The following ARHGAP32 variants were observed in gnomAD, a reference collection of about 807,000 sequenced individuals.
ARHGAP32 encodes rho GTPase-activating protein 32.
ARHGAP32 carries 51 observed loss-of-function variants against 186.5 expected under a neutral mutation model. The ratio of observed to expected loss-of-function variants is 0.27; its 90% CI spans 0.22 to 0.35. ARHGAP32 has a LOEUF of 0.35. Ranked by LOEUF, ARHGAP32 falls within the 10% of genes least tolerant of loss-of-function variation. ARHGAP32 has a pLI of 1.00. For synonymous variants in ARHGAP32, 950 were observed against 964.3 expected (o/e 0.99, Z 0.27); for missense variants, 2,186 against 2,623.5 (o/e 0.83, Z 3.64).
intron 17 of ARHGAP32, among the ~76,000 whole-genome samples, chr11:128,981,054 T>C (rs1176130683): frequency 1.3e-5 from 2 of 152,166 alleles, no homozygotes; most frequent in Non-Finnish European, 2.9e-5. Context: ...CATATAAAAC[T>C]CTTTAATAAC....
At chr11:128,990,916 A>G (rs1303437748) in intron 12 of ARHGAP32, among the ~76,000 whole-genome samples, 1 of 152,216 alleles carries the variant, frequency 6.6e-6, no homozygotes, top group African/African-American at 2.4e-5. Context: ...GATGCTTCTC[A>G]TTATATATGC....
At chr11:129,125,659 C>G (rs1942642398) in intron 2 of ARHGAP32, among the ~76,000 whole-genome samples, 1 of 150,774 alleles carries the variant, frequency 6.6e-6, no homozygotes, top group Admixed American at 6.6e-5. Context: ...TGTGAGAAAA[C>G]AAAAAAGCCA....
chr11:129,153,058 T>C (rs1322139921), intron 2 of ARHGAP32, among the ~76,000 whole-genome samples: 1 of 151,674 alleles, frequency 6.6e-6, no homozygotes, highest in African/African-American at 2.4e-5. Context: ...ACAAAATTAA[T>C]ATACATAAAT....
chr11:128,969,030 C>T lies in ARHGAP32; in HGVS notation c.6183G>A (p.Thr2061=), dbSNP rs748750310. ...GATGGGGAAAGCCAGGGGGCACATA[C>T]GTCCCCATGCCGCCCCCTCCAAAGA... ...RGVFGGGGMG[T]YVPPGFPHPQ... Residue 2061 remains threonine, a synonymous_variant, in exon 23 of 23, where the codon ACG becomes ACA. Transcript: ENST00000682385. This position sits in a 1 kb window ranked among gnomAD's most constrained non-coding sequence, Gnocchi z 4.8. 37 of 1,611,814 alleles carry T rather than the reference C, an allele frequency of 2.3e-5. No individual in the cohort carries two copies. The highest frequency in any genetic ancestry group is 1.1e-4 in the African/African-American group (8 of 74,894).
intron 11 of ARHGAP32, among the ~76,000 whole-genome samples, chr11:128,999,620 T>TC (rs1267811173): frequency 6.6e-6 from 1 of 152,158 alleles, no homozygotes; most frequent in Non-Finnish European, 1.5e-5. Flanking sequence ...ATGTGATGTC[T>TC]CCCCCAGACA....
chr11:129,262,233 T>A (rs905605197), intron 1 of ARHGAP32, among the ~76,000 whole-genome samples: 4 of 152,208 alleles, frequency 2.6e-5, no homozygotes, highest in Non-Finnish European at 2.9e-5. Flanking sequence ...CATGTTTTTT[T>A]AATTCCTAAC....
intron 1 of ARHGAP32, among the ~76,000 whole-genome samples, chr11:129,262,859 G>C (rs1243120943): frequency 6.6e-6 from 1 of 151,874 alleles, no homozygotes; most frequent in Non-Finnish European, 1.5e-5. Context: ...CAAGGTTAAC[G>C]AATTCTTTTT....
chr11:129,061,800 A>C (rs973325703), intron 10 of ARHGAP32, among the ~76,000 whole-genome samples: 1 of 152,246 alleles, frequency 6.6e-6, no homozygotes, highest in Admixed American at 6.5e-5. Flanking sequence ...AACCATGGAA[A>C]GGGAAACCGT....
At chr11:129,000,760 C>A (rs1194952402) in intron 11 of ARHGAP32, among the ~76,000 whole-genome samples, 1 of 151,104 alleles carries the variant, frequency 6.6e-6, no homozygotes, top group Non-Finnish European at 1.5e-5. Flanking sequence ...CTATTCCCCA[C>A]CCCCCCACCA....
intron 5 of ARHGAP32, among the ~76,000 whole-genome samples, chr11:129,097,020 A>G (rs1941749158): frequency 6.6e-6 from 1 of 152,216 alleles, no homozygotes; most frequent in African/African-American, 2.4e-5. Flanking sequence ...AATAAAAAAC[A>G]AACAAAAACA....
chr11:129,115,970 T>C (rs1942357004), intron 5 of ARHGAP32, among the ~76,000 whole-genome samples: 2 of 152,042 alleles, frequency 1.3e-5, no homozygotes, highest in Admixed American at 1.3e-4. Flanking sequence ...TGGTACCAAA[T>C]CCCACTTGTA....
chr11:129,273,829 C>G (rs1022827743), intron 1 of ARHGAP32, among the ~76,000 whole-genome samples: 2 of 152,124 alleles, frequency 1.3e-5, no homozygotes, highest in Admixed American at 1.3e-4. Flanking sequence ...ATAGAATTTT[C>G]TAGAAGATTC....
intron 11 of ARHGAP32, among the ~76,000 whole-genome samples, chr11:129,015,917 C>G (rs572988184): frequency 2.0e-5 from 3 of 152,066 alleles, no homozygotes; most frequent in Non-Finnish European, 4.4e-5. Flanking sequence ...CTGGCACTCA[C>G]GTTTAGGAGG....
chr11:129,046,623 T>A (rs1351287898), intron 10 of ARHGAP32, among the ~76,000 whole-genome samples: 1 of 152,166 alleles, frequency 6.6e-6, no homozygotes, highest in African/African-American at 2.4e-5. Flanking sequence ...GTTTGGCTTC[T>A]AAAGTGAGTG....
At chr11:128,972,045 G>A (rs1236020442) in intron 22 of ARHGAP32, 1 of 154,562 alleles carries the variant, frequency 6.5e-6, no homozygotes, top group African/African-American at 2.4e-5. Context: ...GTGTAACTGT[G>A]AATAATTGGC....
chr11:129,161,372 C>G (rs1030269179), intron 2 of ARHGAP32, among the ~76,000 whole-genome samples: 1 of 151,936 alleles, frequency 6.6e-6, no homozygotes, highest in Non-Finnish European at 1.5e-5. Flanking sequence ...AACAGGCAAC[C>G]TACAGAATGG....
intron 18 of ARHGAP32, among the ~76,000 whole-genome samples, chr11:128,980,210 C>T (rs558474685): frequency 6.6e-6 from 1 of 152,232 alleles, no homozygotes; most frequent in Non-Finnish European, 1.5e-5. Flanking sequence ...TGAACAAACT[C>T]TTCCAACACA....
intron 13 of ARHGAP32, among the ~76,000 whole-genome samples, chr11:128,987,533 A>G (rs1363521260): frequency 6.6e-6 from 1 of 152,222 alleles, no homozygotes; most frequent in Non-Finnish European, 1.5e-5. Flanking sequence ...AGAATCCAAG[A>G]GATTAAGCAA....
chr11:129,187,993 T>C (rs919373800), intron 1 of ARHGAP32, among the ~76,000 whole-genome samples: 1 of 152,152 alleles, frequency 6.6e-6, no homozygotes, highest in African/African-American at 2.4e-5. Flanking sequence ...TCTCATTTTG[T>C]CACCCAGGCT....
Sources: allele counts gnomAD v4.1 joint callset (sites outside exome capture counted in the v4.1 genomes callset), GRCh38; gene constraint gnomAD v4.1.1; non-coding constraint Gnocchi (gnomAD v3.1); transcripts MANE v1.5; gene names NCBI Gene and HGNC (gene_info 2026-07-23, HGNC 2026-07-21).